The following LPP variants were observed in gnomAD, a reference collection of about 807,000 sequenced individuals.
LPP encodes LIM domain containing preferred translocation partner in lipoma, also known as lipoma-preferred partner.
LPP carries 38 observed loss-of-function variants against 60.4 expected under a neutral mutation model. That is an observed-to-expected ratio of 0.63 (90% CI 0.49 to 0.83). The LOEUF is 0.83. LPP is among the 40% of genes least tolerant of loss of function. LPP has a pLI of 0.00. For synonymous variants in LPP, 328 were observed against 290.8 expected (o/e 1.13, Z -1.30); for missense variants, 902 against 783.6 (o/e 1.15, Z -1.80).
At chr3:188,373,041 C>T (rs1232437871) in intron 3 of LPP, among the ~76,000 whole-genome samples, 1 of 24,914 alleles carries the variant, frequency 4.0e-5, no homozygotes, top group Non-Finnish European at 3.4e-3. Context: ...ATGAACTCAT[C>T]ATTTTTATGG....
chr3:188,268,402 A>T (rs955622255), intron 2 of LPP, among the ~76,000 whole-genome samples: 1 of 152,266 alleles, frequency 6.6e-6, no homozygotes. Context: ...GCAGGCCCCA[A>T]ACCAGATAAT....
At chr3:188,538,279 T>C (rs1824182513) in intron 6 of LPP, among the ~76,000 whole-genome samples, 1 of 152,184 alleles carries the variant, frequency 6.6e-6, no homozygotes, top group Admixed American at 6.5e-5. Context: ...AAACAATCCG[T>C]GGAATTTGCA....
intron 5 of LPP, among the ~76,000 whole-genome samples, chr3:188,494,522 G>T (rs372882065): frequency 6.6e-6 from 1 of 152,034 alleles, no homozygotes; most frequent in Admixed American, 6.5e-5. Context: ...TACCCCTAAC[G>T]TCCATTCTAA....
intron 10 of LPP, among the ~76,000 whole-genome samples, chr3:188,867,783 A>G (rs1361067645): frequency 6.6e-6 from 1 of 152,142 alleles, no homozygotes; most frequent in Non-Finnish European, 1.5e-5. Context: ...TGAAGCTTGT[A>G]TTGCTCACCA....
chr3:188,203,604 A>AAT (rs1732276261), intron 1 of LPP, among the ~76,000 whole-genome samples: 1 of 110,486 alleles, frequency 9.1e-6, no homozygotes, highest in Non-Finnish European at 1.7e-5. Context: ...AATATATATA[A>AAT]ATATATATTT....
chr3:188,857,738 A>G (rs1391895309), intron 9 of LPP, among the ~76,000 whole-genome samples: 1 of 152,220 alleles, frequency 6.6e-6, no homozygotes, highest in Non-Finnish European at 1.5e-5. Flanking sequence ...GACATTATCC[A>G]ATTATCCCAG....
At chr3:188,635,930 CTT>C (rs1187491633) in intron 7 of LPP, among the ~76,000 whole-genome samples, 1 of 152,202 alleles carries the variant, frequency 6.6e-6, no homozygotes, top group East Asian at 1.9e-4. Context: ...GTAATAAACT[CTT>C]TGTGTTAGAG....
intron 5 of LPP, among the ~76,000 whole-genome samples, chr3:188,486,227 T>C (rs568177585): frequency 2.2e-4 from 33 of 152,328 alleles, no homozygotes; most frequent in Non-Finnish European, 3.5e-4. Flanking sequence ...TTATTTGCCT[T>C]TCTTTCTCCT....
At chr3:188,222,591 C>T (rs901992780) in intron 1 of LPP, among the ~76,000 whole-genome samples, 2 of 152,126 alleles carry the variant, frequency 1.3e-5, no homozygotes, top group African/African-American at 4.8e-5. Context: ...AAATCCTTTC[C>T]ATTTACAGAT....
At chr3:188,580,783 G>A (rs1835895603) in intron 6 of LPP, among the ~76,000 whole-genome samples, 1 of 152,122 alleles carries the variant, frequency 6.6e-6, no homozygotes, top group Non-Finnish European at 1.5e-5. Flanking sequence ...ACATTAATTG[G>A]GAAGGAGTAG....
At position 188,819,418 on chromosome 3, in the gene LPP, G is replaced by A. The variant is rs575879507; in HGVS notation, c.1411-46782G>A. ...AAAAAACCCTGAATACCTATTGCATGCCTCACTGTAGAGGCTACAGGATTC... is the reference window on the plus strand; with the variant it reads ...AAAAAACCCTGAATACCTATTGCATACCTCACTGTAGAGGCTACAGGATTC... On this transcript the variant is annotated intron_variant, in intron 9 of 11. Transcript: ENST00000617246. Among the ~76,000 whole-genome samples, 4 of 152,056 alleles carry A rather than the reference G, an allele frequency of 2.6e-5. No individual in the cohort carries two copies. In the South Asian group the frequency reaches 8.3e-4, roughly 32 times the overall value.
chr3:188,448,597 A>G (rs1398731971), intron 4 of LPP, among the ~76,000 whole-genome samples: 1 of 152,128 alleles, frequency 6.6e-6, no homozygotes, highest in East Asian at 1.9e-4. Context: ...CAGAAAGACG[A>G]TCTCTGTCAG....
At chr3:188,729,157 G>A (rs769618097) in intron 8 of LPP, among the ~76,000 whole-genome samples, 1 of 152,184 alleles carries the variant, frequency 6.6e-6, no homozygotes, top group Non-Finnish European at 1.5e-5. Context: ...AGAAGAAACA[G>A]CATGTACAAA....
chr3:188,613,943 T>TTTATTTA (rs1560645419), intron 7 of LPP, among the ~76,000 whole-genome samples: 1 of 59,278 alleles, frequency 1.7e-5, no homozygotes, highest in Non-Finnish European at 4.1e-5. Context: ...TTATTTATTT[T>TTTATTTA]TTGAGAGGGA....
At chr3:188,739,107 C>T (rs1723532400) in intron 8 of LPP, among the ~76,000 whole-genome samples, 1 of 151,896 alleles carries the variant, frequency 6.6e-6, no homozygotes, top group African/African-American at 2.4e-5. Flanking sequence ...AACATGATTG[C>T]TTGAAAAGAA....
In LPP at chr3:188,166,235, G is replaced by A. The variant is rs527813312; in HGVS notation, c.-190+11983G>A. Among the ~76,000 whole-genome samples the A allele has an allele frequency of 3.3e-5, 5 of 151,416 alleles. No individual in the cohort carries two copies. The South Asian group carries it at 1.0e-3, about 32-fold the overall frequency. ...TTCCTGGGAAAAGAGACTTATAACA[G>A]TCTTATCTGGGAATGCTTTATCCAT... is the stretch of plus-strand genomic sequence containing the variant. On this transcript the variant is annotated intron_variant, in intron 1 of 11. Coordinates refer to ENST00000617246, the MANE Select transcript of LPP (RefSeq NM_001375462.1).
chr3:188,753,889 T>C (rs1729119281), intron 8 of LPP, among the ~76,000 whole-genome samples: 1 of 152,246 alleles, frequency 6.6e-6, no homozygotes, highest in African/African-American at 2.4e-5. Context: ...CAAGCCTCTC[T>C]ATAGAATCAG....
At chr3:188,826,777 C>T (rs1207844564) in intron 9 of LPP, among the ~76,000 whole-genome samples, 1 of 151,994 alleles carries the variant, frequency 6.6e-6, no homozygotes, top group African/African-American at 2.4e-5. Context: ...CTCTGGACCC[C>T]CCCCACTCTC....
Position 188,657,261 on chromosome 3 carries a change from T to TATATATATATATATATATATATATA in LPP, c.1113+47437_1113+47438insATATAATATATATATATATATATAT, listed in dbSNP as rs1251716839. On this transcript the variant is annotated intron_variant, in intron 7 of 11. Coordinates refer to ENST00000617246, the MANE Select transcript of LPP (RefSeq NM_001375462.1). The stretch of plus-strand genomic sequence containing the variant: ...AGTTTTCAAGAGCTGTCAAGGTGTA[T>TATATATATATATATATATATATATA]ATATATATATATATATATATTTCCA... 1.5e-3 allele frequency among the ~76,000 whole-genome samples: 186 copies of TATATATATATATATATATATATATA among 126,324 alleles called. 4 individuals carry two copies. The highest frequency in any genetic ancestry group is 6.4e-3 in the African/African-American group (179 of 27,842). The allele number at this position is 126,324 out of a possible 152,430, so 82.9% of individuals were successfully genotyped here. A position where few individuals can be genotyped will look rare whatever the true frequency, so the allele number is the denominator to read the frequency against.
Sources: gnomAD v4.1 joint callset for allele counts (sites outside exome capture counted in the v4.1 genomes callset) on GRCh38, gnomAD v4.1.1 for gene constraint, MANE v1.5 for transcripts, NCBI Gene and HGNC (gene_info 2026-07-23, HGNC 2026-07-21) for gene names.